CRACD: variants seen among roughly 807,000 people sequenced by gnomAD.
The protein encoded by CRACD is capping protein inhibiting regulator of actin dynamics.
In CRACD, 56 loss-of-function variants were observed where a neutral mutation model predicts 106.8. The ratio of observed to expected loss-of-function variants is 0.52; its 90% confidence interval spans 0.42 to 0.66. CRACD has a LOEUF of 0.66. CRACD is among the 30% of genes least tolerant of loss of function. The pLI, the probability that CRACD is intolerant of heterozygous loss-of-function variation, is 0.00. For missense variants in CRACD, 1,730 were observed against 1,623.2 expected (o/e 1.07, Z -1.13); for synonymous variants, 754 against 670.8 (o/e 1.12, Z -1.92).
intron 1 of CRACD, among the ~76,000 whole-genome samples, chr4:56,117,945 G>C (rs1734348029): frequency 6.6e-6 from 1 of 151,954 alleles, no homozygotes; most frequent in Non-Finnish European, 1.5e-5. Context: ...TTTTAGTAGA[G>C]ACGGGGTTTC....
intron 3 of CRACD, among the ~76,000 whole-genome samples, chr4:56,273,940 G>C (rs1742519475): frequency 6.6e-6 from 1 of 152,200 alleles, no homozygotes. Context: ...AAATTCTAAT[G>C]AACACTGCTG....
intron 2 of CRACD, among the ~76,000 whole-genome samples, chr4:56,205,057 G>C (rs1738054320): frequency 6.6e-6 from 1 of 152,150 alleles, no homozygotes; most frequent in Admixed American, 6.5e-5. Context: ...TTGGGAGCCT[G>C]AGGTGGGAAG....
At chr4:56,238,261 T>C (rs978991077) in intron 2 of CRACD, among the ~76,000 whole-genome samples, 4 of 152,204 alleles carry the variant, frequency 2.6e-5, no homozygotes, top group Admixed American at 2.6e-4. Context: ...GTGTTGCCAG[T>C]GCTGGGAAGA....
At chr4:56,068,922 A>G (rs895440644) in intron 1 of CRACD, among the ~76,000 whole-genome samples, 2 of 152,042 alleles carry the variant, frequency 1.3e-5, no homozygotes, top group East Asian at 1.9e-4. Context: ...AATTGGTTAA[A>G]CATCTTGGGA....
chr4:56,314,410 C>CGGAGCGGCGGGAGCGGAGGGAGCGGAG lies in CRACD; in HGVS notation c.915_916insCGGGAGCGGAGGGAGCGGAGGGAGCGG (p.Arg308_Glu309insArgGluArgArgGluArgArgGluArg). ...CTGGAAGCGCCAGGTTGGGAGGACG[C>CGGAGCGGCGGGAGCGGAGGGAGCGGAG]GGAGCGGAGGGAGCGTGAGGAGCGC... On this transcript the variant is annotated inframe_insertion, in exon 8 of 11. Transcript: ENST00000682029. This position sits in a 1 kb window ranked among gnomAD's most constrained non-coding sequence, Gnocchi z 4.4. 6.5e-7 allele frequency: 1 copy of CGGAGCGGCGGGAGCGGAGGGAGCGGAG among 1,540,992 alleles called. No individual in the cohort carries two copies. The highest frequency in any genetic ancestry group is 1.2e-5 in the South Asian group (1 of 83,420).
rs750635405 is a variant in CRACD at position 56,316,111 on chromosome 4, A to C, written c.2609A>C (p.Lys870Thr). 3 of 1,614,028 alleles carry C rather than the reference A, an allele frequency of 1.9e-6. No individual in the cohort carries two copies. Among genetic ancestry groups the C allele is most frequent in the African/African-American group, 1.3e-5 (1 of 74,962 alleles). ...CDQQAEQKKK[K>T]RHSSTGDSAD... ...CAACAGGCAGAACAGAAGAAGAAGAAGAGGCACAGCAGCACCGGAGACAGC... is the reference window on the plus strand; with the variant it reads ...CAACAGGCAGAACAGAAGAAGAAGACGAGGCACAGCAGCACCGGAGACAGC... Residue 870 changes from lysine to threonine, a missense_variant, in exon 8 of 11, where the codon AAG becomes ACG. Lys to Thr is a moderately conservative substitution (Grantham distance 78). Transcript: ENST00000682029.
At chr4:56,153,790 C>T (rs576717045) in intron 1 of CRACD, among the ~76,000 whole-genome samples, 3 of 152,328 alleles carry the variant, frequency 2.0e-5, no homozygotes, top group East Asian at 1.9e-4. Context: ...GTTCCTTAGA[C>T]ATTCTGAGCC....
chr4:56,282,376 G>A (rs2109675143), intron 3 of CRACD, among the ~76,000 whole-genome samples: 1 of 152,240 alleles, frequency 6.6e-6, no homozygotes, highest in South Asian at 2.1e-4. Context: ...TCCTTTTTTG[G>A]ATGGGAAGAA....
At chr4:56,260,254 G>A (rs1328971721) in intron 2 of CRACD, among the ~76,000 whole-genome samples, 1 of 152,198 alleles carries the variant, frequency 6.6e-6, no homozygotes, top group Non-Finnish European at 1.5e-5. Context: ...GATAATGATA[G>A]TTAACTTTCT....
intron 1 of CRACD, among the ~76,000 whole-genome samples, chr4:56,110,948 T>C (rs992374948): frequency 6.6e-6 from 1 of 152,194 alleles, no homozygotes; most frequent in African/African-American, 2.4e-5. Context: ...AGATAATCGG[T>C]GTTGCATACA....
chr4:56,132,455 C>T (rs922172994), intron 1 of CRACD, among the ~76,000 whole-genome samples: 1 of 152,166 alleles, frequency 6.6e-6, no homozygotes, highest in Non-Finnish European at 1.5e-5. Flanking sequence ...GTTCTCCCAA[C>T]TCTCAGCCTT....
rs377140244 is a variant in CRACD at position 56,315,014 on chromosome 4, G to C, written c.1512G>C (p.Pro504=). ...QEGPVEAAQP[P]VERKEAAALE... ...GGCCGGTGGAAGCCGCGCAGCCTCC[G>C]GTGGAGAGGAAAGAAGCCGCCGCCC... The change falls in exon 8 of 11, where the codon CCG becomes CCC. Residue 504 remains proline (P), a synonymous_variant. Transcript: ENST00000682029. The surrounding 1 kb of genome is among the most constrained non-coding windows in gnomAD (Gnocchi z 4.1). The C allele has an allele frequency of 1.3e-6, 2 of 1,590,300 alleles. No homozygotes were observed. Among genetic ancestry groups the C allele is most frequent in the South Asian group, 2.3e-5 (2 of 87,372 alleles).
At chr4:56,085,069 A>G (rs1172189702) in intron 1 of CRACD, among the ~76,000 whole-genome samples, 1 of 152,150 alleles carries the variant, frequency 6.6e-6, no homozygotes, top group Non-Finnish European at 1.5e-5. Context: ...GTGAGTGGGA[A>G]GGGTGGAGTA....
chr4:56,319,894 C>G (rs114692046), intron 8 of CRACD, among the ~76,000 whole-genome samples: 5,362 of 152,186 alleles, frequency 0.035, 151 homozygotes, highest in South Asian at 0.056. Flanking sequence ...CACTTTCAGG[C>G]CAGGCACGGT....
At chr4:56,279,058 T>C (rs1261856040) in intron 3 of CRACD, among the ~76,000 whole-genome samples, 1 of 152,134 alleles carries the variant, frequency 6.6e-6, no homozygotes, top group African/African-American at 2.4e-5. Context: ...TATAAAATAT[T>C]AATGGTTTAG....
intron 2 of CRACD, among the ~76,000 whole-genome samples, chr4:56,237,618 A>T (rs10026330): frequency 0.4 from 60,513 of 151,772 alleles, 12,477 homozygotes; most frequent in East Asian, 0.7. Context: ...CACAATATTT[A>T]GTTTTAGAAA....
chr4:56,207,975 C>T (rs186914353), intron 2 of CRACD, among the ~76,000 whole-genome samples: 1 of 150,776 alleles, frequency 6.6e-6, no homozygotes, highest in African/African-American at 2.4e-5. Context: ...ACACACCATG[C>T]CTGGTTAATT....
chr4:56,110,141 A>T (rs187772184), intron 1 of CRACD, among the ~76,000 whole-genome samples: 4 of 152,332 alleles, frequency 2.6e-5, no homozygotes, highest in Admixed American at 2.6e-4. Flanking sequence ...AATCAAAAGC[A>T]TCAAACTTCT....
At chr4:56,214,280 C>T (rs935638227) in intron 2 of CRACD, among the ~76,000 whole-genome samples, 4 of 152,062 alleles carry the variant, frequency 2.6e-5, no homozygotes, top group African/African-American at 9.7e-5. Context: ...AAATAACAAA[C>T]CTGCACATGT....
Sources: gnomAD v4.1 joint callset for allele counts (sites outside exome capture counted in the v4.1 genomes callset) on GRCh38, gnomAD v4.1.1 for gene constraint, Gnocchi (gnomAD v3.1) non-coding constraint, MANE v1.5 for transcripts, NCBI Gene and HGNC (gene_info 2026-07-23, HGNC 2026-07-21) for gene names.